The following EVI5 variants were observed in gnomAD, a reference collection of about 807,000 sequenced individuals.
The protein encoded by EVI5 is ecotropic viral integration site 5 protein homolog.
EVI5 carries 73 observed loss-of-function variants against 112.0 expected under a neutral mutation model. That is an observed-to-expected ratio of 0.65 (90% confidence interval 0.54 to 0.79). EVI5 has a LOEUF of 0.79. Among genes scored for constraint, EVI5 ranks in the 30% least tolerant of loss-of-function variants. The pLI is 0.00. For synonymous variants in EVI5, 305 were observed against 319.9 expected (o/e 0.95, Z 0.50); for missense variants, 900 against 968.8 (o/e 0.93, Z 0.94).
At chr1:92,556,240 T>A (rs1667665838) in intron 19 of EVI5, among the ~76,000 whole-genome samples, 1 of 152,074 alleles carries the variant, frequency 6.6e-6, no homozygotes, top group African/African-American at 2.4e-5. Context: ...ATTTTTGTAT[T>A]TTTAGTAGAG....
intron 19 of EVI5, among the ~76,000 whole-genome samples, chr1:92,549,496 A>G (rs528307933): frequency 1.7e-3 from 261 of 151,868 alleles, no homozygotes; most frequent in African/African-American, 6.0e-3. Context: ...AAATTGACAA[A>G]TGGGATCTAA....
chr1:92,652,257 T>C (rs565247039), intron 13 of EVI5, among the ~76,000 whole-genome samples: 1 of 152,230 alleles, frequency 6.6e-6, no homozygotes, highest in Non-Finnish European at 1.5e-5. Flanking sequence ...AAAGGACAAA[T>C]ATTATGTGCT....
intron 19 of EVI5, among the ~76,000 whole-genome samples, chr1:92,518,372 G>T (rs534569349): frequency 6.6e-6 from 1 of 152,104 alleles, no homozygotes; most frequent in East Asian, 1.9e-4. Context: ...GAATGTGCAT[G>T]GAAGTATTTT....
Position 92,511,908 on chromosome 1 carries a change from A to T in EVI5, c.*1748T>A, listed in dbSNP as rs940501374. On this transcript the variant is annotated 3_prime_UTR_variant, in exon 20 of 20. Transcript: ENST00000684568. ...ACTTTTATCTCTTCTACTCTATTTC[A>T]TATTTTTTTTTTTGCCGCATGCAAC... 2.0e-5 allele frequency: 3 copies of T among 151,516 alleles called. No individual in the cohort carries two copies. In the East Asian group the frequency reaches 5.8e-4, roughly 29 times the overall value. The allele number at this position is 151,516 out of a possible 1,614,324, so 9.4% of individuals were successfully genotyped here.
rs533848701 is a variant in EVI5, at chr1:92,520,063, G to A, written c.2167-6093C>T. 3.9e-5 allele frequency among the ~76,000 whole-genome samples: 6 copies of A among 152,182 alleles called. No homozygotes were observed. In the South Asian group the frequency reaches 6.2e-4, roughly 16 times the overall value. ...GGGAGAGAAAAGAAAGGGGGTGATC[G>A]CAAATAGGCATGCAGTTTCTTTTGG... On this transcript the variant is annotated intron_variant, in intron 19 of 19. Coordinates refer to ENST00000684568, the MANE Select transcript of EVI5 (RefSeq NM_001350197.2).
intron 1 of EVI5, among the ~76,000 whole-genome samples, chr1:92,779,067 C>G (rs1684531594): frequency 1.3e-5 from 2 of 152,096 alleles, no homozygotes; most frequent in Admixed American, 1.3e-4. Flanking sequence ...ACAACATGTC[C>G]TTAAGTCCTA....
chr1:92,583,908 C>T (rs1018889285), intron 18 of EVI5, among the ~76,000 whole-genome samples: 1 of 152,066 alleles, frequency 6.6e-6, no homozygotes, highest in African/African-American at 2.4e-5. Flanking sequence ...AGGTATCATA[C>T]CTCTAAAGGA....
intron 13 of EVI5, among the ~76,000 whole-genome samples, chr1:92,648,336 G>A (rs1306440960): frequency 2.7e-5 from 4 of 149,996 alleles, no homozygotes; most frequent in South Asian, 2.1e-4. Context: ...TCACACCACC[G>A]CACTCCATCC....
At chr1:92,776,251 A>C in intron 1 of EVI5, among the ~76,000 whole-genome samples, 1 of 152,174 alleles carries the variant, frequency 6.6e-6, no homozygotes, top group East Asian at 1.9e-4. Flanking sequence ...ACACAGAAAA[A>C]GGATGGATAT....
chr1:92,581,694 A>T (rs112596133), intron 18 of EVI5, among the ~76,000 whole-genome samples: 65 of 15,652 alleles, frequency 4.2e-3, no homozygotes, highest in Admixed American at 0.016. Flanking sequence ...GTTTTTGCTT[A>T]AAAAAAAAAA....
At chr1:92,748,820 A>T (rs1679735974) in intron 1 of EVI5, among the ~76,000 whole-genome samples, 3 of 152,074 alleles carry the variant, frequency 2.0e-5, no homozygotes, top group Non-Finnish European at 4.4e-5. Flanking sequence ...TAATCCCAGC[A>T]CTCTGGGAGG....
intron 18 of EVI5, among the ~76,000 whole-genome samples, chr1:92,565,948 C>CAAAAAAAGAAA: frequency 1.9e-5 from 1 of 51,858 alleles, no homozygotes; most frequent in East Asian, 7.3e-4. Flanking sequence ...CCAGCCCGAG[C>CAAAAAAAGAAA]AAAAAAAAAA....
intron 13 of EVI5, among the ~76,000 whole-genome samples, chr1:92,662,095 T>C: frequency 6.6e-6 from 1 of 152,152 alleles, no homozygotes; most frequent in East Asian, 1.9e-4. Flanking sequence ...GCACCCTAGG[T>C]TGATTAAGAT....
intron 1 of EVI5, among the ~76,000 whole-genome samples, chr1:92,751,243 TC>T (rs1680152234): frequency 6.6e-6 from 1 of 152,252 alleles, no homozygotes; most frequent in African/African-American, 2.4e-5. Context: ...TCACAGTTGT[TC>T]TATGAGGTAT....
At chr1:92,763,081 C>A (rs536994851) in intron 1 of EVI5, among the ~76,000 whole-genome samples, 2 of 151,964 alleles carry the variant, frequency 1.3e-5, no homozygotes, top group Admixed American at 6.5e-5. Context: ...CCAGCCTGGG[C>A]AAAATAGGAA....
At position 92,695,299 on chromosome 1, in the gene EVI5, C is replaced by A; in HGVS notation, c.909+11G>T. ...GCTCAGCTCCTGCTCTTTGTCTGCC[C>A]ATTAGCTTACCTCAGACATAAAGAT... is the stretch of plus-strand genomic sequence containing the variant. On this transcript the variant is annotated intron_variant, in intron 7 of 19. Coordinates refer to ENST00000684568, the MANE Select transcript of EVI5 (RefSeq NM_001350197.2). 1.2e-6 allele frequency: 2 copies of A among 1,600,928 alleles called. No individual in the cohort carries two copies. The highest frequency in any genetic ancestry group is 1.1e-5 in the South Asian group (1 of 88,392).
chr1:92,683,665 A>T (rs1424683163), intron 9 of EVI5, among the ~76,000 whole-genome samples: 2 of 152,212 alleles, frequency 1.3e-5, no homozygotes, highest in African/African-American at 4.8e-5. Flanking sequence ...CCTTGAAAAA[A>T]GGTTAGATGA....
chr1:92,703,588 A>T lies in EVI5; in HGVS notation c.371T>A (p.Phe124Tyr). The T allele has an allele frequency of 6.3e-7, 1 of 1,592,538 alleles. No individual in the cohort carries two copies. Among genetic ancestry groups the T allele is most frequent in the Non-Finnish European group, 8.5e-7 (1 of 1,172,930 alleles). ...ELVHKGIPHH[F>Y]RAIVWQLLCS... ...TAAAAGTTGCCAAACTATTGCTCTAAAGTGATGGGGTATCCCTTTATGAAC... is the reference window on the plus strand; with the variant it reads ...TAAAAGTTGCCAAACTATTGCTCTATAGTGATGGGGTATCCCTTTATGAAC... The change falls in exon 4 of 20, where the codon TTT becomes TAT. Residue 124 changes from phenylalanine to tyrosine, a missense_variant. Coordinates refer to ENST00000684568, the MANE Select transcript of EVI5 (RefSeq NM_001350197.2).
intron 1 of EVI5, among the ~76,000 whole-genome samples, chr1:92,771,076 A>G (rs1428161854): frequency 6.6e-6 from 1 of 151,936 alleles, no homozygotes; most frequent in Non-Finnish European, 1.5e-5. Context: ...TCGGCCTCCC[A>G]AAGTACTGGG....
Sources: gnomAD v4.1 joint callset for allele counts (sites outside exome capture counted in the v4.1 genomes callset) on GRCh38, gnomAD v4.1.1 for gene constraint, MANE v1.5 for transcripts, NCBI Gene and HGNC (gene_info 2026-07-23, HGNC 2026-07-21) for gene names.